Variants in DMXL1 observed in about 807,000 individuals in gnomAD.
DMXL1 encodes Dmx like 1, also known as dmX-like protein 1.
In DMXL1, 99 loss-of-function variants were observed where a neutral mutation model predicts 319.2. The observed-to-expected ratio is 0.31, with a 90% CI of 0.26 to 0.37. The LOEUF (loss-of-function observed/expected upper bound fraction) is 0.37. DMXL1 is among the 10% of genes least tolerant of loss of function. DMXL1 has a pLI of 1.00. For missense variants in DMXL1, 3,745 were observed against 3,595.6 expected, an observed-to-expected ratio of 1.04 and a Z score of -1.06; for synonymous variants, 1,385 against 1,235.2, an observed-to-expected ratio of 1.12 and a Z score of -2.54.
intron 19 of DMXL1, among the ~76,000 whole-genome samples, chr5:119,156,791 G>A (rs529439364): frequency 7.9e-5 from 12 of 151,662 alleles, no homozygotes; most frequent in African/African-American, 2.7e-4. Context: ...GTTCCCATTA[G>A]CAGTGTACCA....
intron 1 of DMXL1, among the ~76,000 whole-genome samples, chr5:119,073,073 A>G (rs1443460445): frequency 6.6e-6 from 1 of 152,162 alleles, no homozygotes; most frequent in African/African-American, 2.4e-5. Context: ...TGCTTTTTAA[A>G]AACTTTTGAA....
chr5:119,129,846 C>T (rs879310929), intron 10 of DMXL1, among the ~76,000 whole-genome samples: 1 of 152,166 alleles, frequency 6.6e-6, no homozygotes, highest in Non-Finnish European at 1.5e-5. Flanking sequence ...ATTTCTCTGC[C>T]TTTGGCCTTC....
In DMXL1 at chr5:119,187,810, G is replaced by A. The variant is rs575494235; in HGVS notation, c.7136-1898G>A. On this transcript the variant is annotated intron_variant, in intron 28 of 43. Coordinates refer to ENST00000539542, the MANE Select transcript of DMXL1 (RefSeq NM_001290321.3). ...CCCGAGTAGCTGGGATTACAGGCAC[G>A]TGCCACCATGCCTGGCTAATTTTTG... Among the ~76,000 whole-genome samples the A allele has an allele frequency of 2.6e-5, 4 of 152,148 alleles. No individual in the cohort carries two copies. In the East Asian group the frequency reaches 7.7e-4, roughly 29 times the overall value.
chr5:119,072,760 T>G (rs906986805), intron 1 of DMXL1, among the ~76,000 whole-genome samples: 2 of 152,166 alleles, frequency 1.3e-5, no homozygotes, highest in African/African-American at 4.8e-5. Context: ...GCATTTTGTT[T>G]TCAAATAGAG....
chr5:119,078,921 A>T (rs1384129158), intron 1 of DMXL1, among the ~76,000 whole-genome samples: 1 of 152,210 alleles, frequency 6.6e-6, no homozygotes, highest in Admixed American at 6.5e-5. Context: ...ATTTAGCAAC[A>T]GTCTTTGTTG....
At chr5:119,115,382 C>G (rs914193984) in intron 6 of DMXL1, among the ~76,000 whole-genome samples, 3 of 152,076 alleles carry the variant, frequency 2.0e-5, no homozygotes, top group African/African-American at 7.2e-5. Context: ...TATTACCTGT[C>G]TATTTTAAAG....
At chr5:119,144,373 A>T (rs1281930019) in intron 14 of DMXL1, among the ~76,000 whole-genome samples, 163 bp from the exon 15 acceptor site, 1 of 151,794 alleles carries the variant, frequency 6.6e-6, no homozygotes, top group African/African-American at 2.4e-5. Context: ...TTTTATATTC[A>T]TCTGTTTAAT....
chr5:119,224,637 G>A (rs979317018), intron 37 of DMXL1, 72 bp from the exon 38 acceptor site: 5 of 552,570 alleles, frequency 9.0e-6, no homozygotes, highest in Non-Finnish European at 3.1e-6. Context: ...AATGTTATTT[G>A]AATTTCCTGT....
chr5:119,098,865 T>A (rs913491879), intron 2 of DMXL1, among the ~76,000 whole-genome samples: 2 of 152,194 alleles, frequency 1.3e-5, no homozygotes, highest in African/African-American at 4.8e-5. Flanking sequence ...CTAGAACATT[T>A]TGTGTAAGGA....
intron 4 of DMXL1, among the ~76,000 whole-genome samples, chr5:119,107,061 G>A (rs868336801): frequency 3.3e-5 from 5 of 152,200 alleles, no homozygotes; most frequent in African/African-American, 9.6e-5. Flanking sequence ...TTGGGGCTGG[G>A]CACGGTGGTT....
chr5:119,089,626 C>CTT (rs199623391), intron 1 of DMXL1, among the ~76,000 whole-genome samples: 3 of 127,338 alleles, frequency 2.4e-5, no homozygotes, highest in Admixed American at 1.6e-4. Context: ...TTGGTACTGC[C>CTT]TTTTTTTTTT....
At chr5:119,103,653 T>C (rs966292862) in intron 3 of DMXL1, among the ~76,000 whole-genome samples, 3 of 152,208 alleles carry the variant, frequency 2.0e-5, no homozygotes, top group African/African-American at 4.8e-5. Context: ...TTTTTATAGA[T>C]TGCCTAGTGA....
intron 34 of DMXL1, among the ~76,000 whole-genome samples, chr5:119,211,799 C>G (rs974926355): frequency 1.3e-5 from 2 of 152,110 alleles, no homozygotes; most frequent in Non-Finnish European, 1.5e-5. Flanking sequence ...TACTGACTAC[C>G]CAGGGTCTCA....
At chr5:119,117,587 G>A (rs1037635217) in intron 7 of DMXL1, among the ~76,000 whole-genome samples, 2 of 152,034 alleles carry the variant, frequency 1.3e-5, no homozygotes, top group African/African-American at 4.8e-5. Context: ...GAAGGGAGAG[G>A]TAGGGGACAG....
In DMXL1 at chr5:119,248,209, T is replaced by C. The variant is rs549547223; in HGVS notation, c.*990T>C. The C allele has an allele frequency of 2.0e-5, 3 of 152,632 alleles. No individual in the cohort carries two copies. In the East Asian group the frequency reaches 5.8e-4, roughly 29 times the overall value. 9.5% of individuals were successfully genotyped at this position (152,632 alleles called of 1,614,324 possible). ...TAATCTCAAAATTCTGAAAAGCGAA[T>C]AGCAGTGTTTTCAGAAACAAATGTG... is the stretch of plus-strand genomic sequence containing the variant. On this transcript the variant is annotated 3_prime_UTR_variant, in exon 44 of 44. Coordinates refer to ENST00000539542, the MANE Select transcript of DMXL1 (RefSeq NM_001290321.3).
At chr5:119,148,397 T>A (rs754064421) in intron 17 of DMXL1, among the ~76,000 whole-genome samples, 2 of 152,208 alleles carry the variant, frequency 1.3e-5, no homozygotes, top group Non-Finnish European at 2.9e-5. Flanking sequence ...AAATTCTGCC[T>A]ATGCCTAAGT....
chr5:119,098,562 A>T (rs1561572652), intron 2 of DMXL1, among the ~76,000 whole-genome samples: 1 of 152,156 alleles, frequency 6.6e-6, no homozygotes, highest in African/African-American at 2.4e-5. Context: ...ATAATATTCT[A>T]AGCCCATAAG....
At chr5:119,196,515 G>GTTTTTTTTTTTTTTTTT in intron 31 of DMXL1, 59 bp downstream of exon 31, 1 of 559,966 alleles carries the variant, frequency 1.8e-6, no homozygotes, top group Admixed American at 3.7e-5. Flanking sequence ...CTACTCTGTT[G>GTTTTTTTTTTTTTTTTT]TTTTTTTTTT....
At chr5:119,231,247 G>T (rs1170956831) in intron 38 of DMXL1, among the ~76,000 whole-genome samples, 1 of 152,198 alleles carries the variant, frequency 6.6e-6, no homozygotes, top group East Asian at 1.9e-4. Flanking sequence ...GAAAGCACAG[G>T]TTCTGGGTCC....
Sources: gnomAD v4.1 joint callset for allele counts (sites outside exome capture counted in the v4.1 genomes callset) on GRCh38, gnomAD v4.1.1 for gene constraint, MANE v1.5 for transcripts, NCBI Gene and HGNC (gene_info 2026-07-23, HGNC 2026-07-21) for gene names.